Variants in SMIM31 observed in about 807,000 individuals in gnomAD.
The protein encoded by SMIM31 is small integral membrane protein 31, also known as human epithelial cell program regulator.
intron 1 of SMIM31, among the ~76,000 whole-genome samples, chr4:164,768,235 C>CA (rs58450552): frequency 0.17 from 12,938 of 75,688 alleles, 959 homozygotes; most frequent in African/African-American, 0.3. Flanking sequence ...GACTTTGTCA[C>CA]AAAAAAAAAA....
In SMIM31 at chr4:164,773,370, A is replaced by C. The variant is rs532600739; in HGVS notation, c.112+2815A>C. ...TCATGCTGCTAATAAGAACATACCCAAAACTGGGTAATTTATAAAGGAAAG... is the reference window on the plus strand; with the variant it reads ...TCATGCTGCTAATAAGAACATACCCCAAACTGGGTAATTTATAAAGGAAAG... On this transcript the variant is annotated intron_variant, in intron 2 of 2. Transcript: ENST00000507311. Among the ~76,000 whole-genome samples the C allele has an allele frequency of 3.9e-5, 6 of 152,344 alleles. No homozygotes were observed. The South Asian group carries it at 1.2e-3, about 32-fold the overall frequency.
chr4:164,760,696 C>T (rs376725537), intron 1 of SMIM31, among the ~76,000 whole-genome samples: 11 of 131,382 alleles, frequency 8.4e-5, no homozygotes, highest in Admixed American at 3.6e-4. Context: ...GCTGAGATAA[C>T]GCCACTATGC....
At chr4:164,785,110 C>T (rs1467332942) in intron 2 of SMIM31, among the ~76,000 whole-genome samples, 1 of 151,866 alleles carries the variant, frequency 6.6e-6, no homozygotes, top group Non-Finnish European at 1.5e-5. Flanking sequence ...CCTGTAATCC[C>T]AGCTACTCAG....
At chr4:164,754,595 T>G (rs1276895056) in intron 1 of SMIM31, among the ~76,000 whole-genome samples, 184 bp downstream of exon 1, 2 of 141,192 alleles carry the variant, frequency 1.4e-5, no homozygotes, top group Non-Finnish European at 3.0e-5. Flanking sequence ...AAAAAATGGC[T>G]AAAGAGGGAA....
chr4:164,788,761 C>T (rs1206154112), intron 2 of SMIM31, among the ~76,000 whole-genome samples: 1 of 152,064 alleles, frequency 6.6e-6, no homozygotes, highest in African/African-American at 2.4e-5. Context: ...GCTGGGATTA[C>T]AGGCGTGAGC....
At chr4:164,785,832 T>C (rs73875020) in intron 2 of SMIM31, among the ~76,000 whole-genome samples, 1,945 of 152,212 alleles carry the variant, frequency 0.013, 30 homozygotes, top group African/African-American at 0.043. Context: ...ATCAGTTTCT[T>C]ATAATGGAAG....
chr4:164,801,436 C>CAA lies in SMIM31; in HGVS notation c.*252_*253dup, dbSNP rs796648282. 21 of 238,916 alleles carry CAA rather than the reference C, an allele frequency of 8.8e-5. No homozygotes were observed. Among genetic ancestry groups the CAA allele is most frequent in the East Asian group, 2.7e-4 (4 of 14,892 alleles). The allele number at this position is 238,916 out of a possible 1,614,324, so 14.8% of individuals were successfully genotyped here. A position where few individuals can be genotyped will look rare whatever the true frequency, so the allele number is the denominator to read the frequency against. ...ACCATTCTAGCTGCAATTGATTATACAAAAAAAAAAAGACCAAAGTGGTTA... is the reference window on the plus strand; with the variant it reads ...ACCATTCTAGCTGCAATTGATTATACAAAAAAAAAAAAAGACCAAAGTGGTTA... On this transcript the variant is annotated 3_prime_UTR_variant, in exon 3 of 3. Transcript: ENST00000507311.
At chr4:164,799,422 C>T (rs948455844) in intron 2 of SMIM31, among the ~76,000 whole-genome samples, 3 of 151,808 alleles carry the variant, frequency 2.0e-5, no homozygotes, top group African/African-American at 7.2e-5. Flanking sequence ...TAAACATAAA[C>T]ATAAATGAGC....
At chr4:164,764,565 C>CAA (rs11388843) in intron 1 of SMIM31, among the ~76,000 whole-genome samples, 59 of 130,242 alleles carry the variant, frequency 4.5e-4, no homozygotes, top group South Asian at 3.0e-3. Flanking sequence ...GACTCCATCT[C>CAA]AAAAAAAAAA....
chr4:164,780,284 A>G (rs751378111), intron 2 of SMIM31, among the ~76,000 whole-genome samples: 14 of 152,144 alleles, frequency 9.2e-5, no homozygotes, highest in East Asian at 1.9e-4. Context: ...AAAATTAGCC[A>G]GGCGTGGTGG....
chr4:164,756,707 A>G (rs1732567407), intron 1 of SMIM31, among the ~76,000 whole-genome samples: 1 of 152,030 alleles, frequency 6.6e-6, no homozygotes, highest in African/African-American at 2.4e-5. Context: ...CTTCCTCTCT[A>G]CATAGTATGT....
At chr4:164,785,522 A>G (rs963267594) in intron 2 of SMIM31, among the ~76,000 whole-genome samples, 20 of 152,212 alleles carry the variant, frequency 1.3e-4, no homozygotes, top group Admixed American at 3.9e-4. Context: ...AACCATATTT[A>G]AGGAATTATT....
chr4:164,783,502 T>G (rs1180332103), intron 2 of SMIM31, among the ~76,000 whole-genome samples: 3 of 141,626 alleles, frequency 2.1e-5, no homozygotes, highest in Non-Finnish European at 4.5e-5. Context: ...TCAGCCTGGG[T>G]GCCAGAGCAA....
chr4:164,756,329 G>T (rs1350118492), intron 1 of SMIM31, among the ~76,000 whole-genome samples: 5 of 152,108 alleles, frequency 3.3e-5, no homozygotes, highest in Admixed American at 3.3e-4. Context: ...CCAGCACTTT[G>T]GGAGGCTGGG....
chr4:164,770,583 C>G (rs1732787601), intron 2 of SMIM31, 28 bp downstream of exon 2: 2 of 398,768 alleles, frequency 5.0e-6, no homozygotes, highest in East Asian at 3.6e-5. Context: ...GAACAAAGCT[C>G]TTTGTGGCTA....
intron 2 of SMIM31, among the ~76,000 whole-genome samples, chr4:164,776,822 A>G (rs1280904210): frequency 6.6e-6 from 1 of 152,238 alleles, no homozygotes; most frequent in Non-Finnish European, 1.5e-5. Context: ...TGAGCATTAT[A>G]CATCATCTTA....
intron 2 of SMIM31, among the ~76,000 whole-genome samples, chr4:164,776,599 C>T (rs1732882576): frequency 6.6e-6 from 1 of 152,082 alleles, no homozygotes; most frequent in South Asian, 2.1e-4. Flanking sequence ...CTAACAAAAG[C>T]ATGTTTTAAA....
chr4:164,763,748 G>A (rs1182381300), intron 1 of SMIM31, among the ~76,000 whole-genome samples: 1 of 152,126 alleles, frequency 6.6e-6, no homozygotes, highest in African/African-American at 2.4e-5. Context: ...TTCAGGCAAT[G>A]TTTTTGCCAA....
At chr4:164,772,430 C>T (rs1321457823) in intron 2 of SMIM31, among the ~76,000 whole-genome samples, 1 of 152,076 alleles carries the variant, frequency 6.6e-6, no homozygotes, top group Non-Finnish European at 1.5e-5. Context: ...AGATCCAAAC[C>T]GTTATCAGGA....
Sources: gnomAD v4.1 joint callset for allele counts (sites outside exome capture counted in the v4.1 genomes callset) on GRCh38, gnomAD v4.1.1 for gene constraint, MANE v1.5 for transcripts, NCBI Gene and HGNC (gene_info 2026-07-23, HGNC 2026-07-21) for gene names.